Variants in ERBB4 observed in about 807,000 individuals in gnomAD.
ERBB4 encodes erb-b2 receptor tyrosine kinase 4, also known as receptor tyrosine-protein kinase erbB-4.
ERBB4 carries 42 observed loss-of-function variants against 158.0 expected under a neutral mutation model. That is an observed-to-expected ratio of 0.27 (90% CI 0.21 to 0.34). The LOEUF is 0.34. Ranked by LOEUF, ERBB4 falls within the 10% of genes least tolerant of loss-of-function variation. ERBB4 has a pLI of 1.00. For missense variants in ERBB4, 1,333 were observed against 1,624.1 expected (o/e 0.82, Z 3.08); for synonymous variants, 583 against 558.7 (o/e 1.04, Z -0.61).
At chr2:211,633,502 TA>T (rs1443514855) in intron 16 of ERBB4, among the ~76,000 whole-genome samples, 3 of 147,876 alleles carry the variant, frequency 2.0e-5, no homozygotes, top group African/African-American at 7.5e-5. Flanking sequence ...TTTTTTTTTT[TA>T]AATTCACTAG....
chr2:212,481,256 T>A (rs1689683325), intron 1 of ERBB4, among the ~76,000 whole-genome samples: 1 of 152,076 alleles, frequency 6.6e-6, no homozygotes, highest in South Asian at 2.1e-4. Flanking sequence ...CACACATACA[T>A]GACTTTGTAT....
chr2:212,236,224 CAT>C (rs1360576931), intron 1 of ERBB4, among the ~76,000 whole-genome samples: 1 of 152,148 alleles, frequency 6.6e-6, no homozygotes, highest in Non-Finnish European at 1.5e-5. Flanking sequence ...CTGCAATAAT[CAT>C]GTGGTTTTTG....
intron 1 of ERBB4, among the ~76,000 whole-genome samples, chr2:212,165,278 A>T (rs980743429): frequency 5.3e-5 from 8 of 151,784 alleles, no homozygotes; most frequent in Non-Finnish European, 8.8e-5. Flanking sequence ...TGAATTTTTT[A>T]ATATCAATGT....
At chr2:211,654,224 A>G (rs1323061213) in intron 16 of ERBB4, among the ~76,000 whole-genome samples, 1 of 152,298 alleles carries the variant, frequency 6.6e-6, no homozygotes, top group East Asian at 1.9e-4. Flanking sequence ...TTCCATGATC[A>G]TACACACTTT....
intron 2 of ERBB4, among the ~76,000 whole-genome samples, chr2:212,057,067 T>C (rs1255426630): frequency 6.6e-6 from 1 of 151,546 alleles, no homozygotes; most frequent in Admixed American, 6.6e-5. Flanking sequence ...AGGCTCAAAA[T>C]AAAGGGATGG....
intron 2 of ERBB4, among the ~76,000 whole-genome samples, chr2:212,073,387 CTAAT>C (rs2125449897): frequency 6.6e-6 from 1 of 152,048 alleles, no homozygotes; most frequent in East Asian, 1.9e-4. Context: ...AGTTATGAGA[CTAAT>C]TAATCCATTG....
chr2:212,193,609 A>T (rs1649585244), intron 1 of ERBB4, among the ~76,000 whole-genome samples: 1 of 152,094 alleles, frequency 6.6e-6, no homozygotes, highest in South Asian at 2.1e-4. Context: ...GAACTCTTAG[A>T]ACACTATAAT....
intron 2 of ERBB4, among the ~76,000 whole-genome samples, chr2:212,087,995 ACACT>A (rs2078665920): frequency 6.6e-6 from 1 of 152,238 alleles, no homozygotes; most frequent in East Asian, 1.9e-4. Context: ...CTGGCACTAA[ACACT>A]CACAATCATT....
chr2:212,014,544 T>G (rs1205262289), intron 2 of ERBB4, among the ~76,000 whole-genome samples: 2 of 151,874 alleles, frequency 1.3e-5, no homozygotes, highest in East Asian at 3.9e-4. Flanking sequence ...ATAAACGGAG[T>G]GGTCAATGAC....
chr2:212,162,810 A>G (rs560724252), intron 1 of ERBB4, among the ~76,000 whole-genome samples: 7 of 152,092 alleles, frequency 4.6e-5, no homozygotes, highest in African/African-American at 1.7e-4. Context: ...TTCACAATAA[A>G]ATGCTGGGGT....
chr2:212,319,382 G>C (rs901209207), intron 1 of ERBB4, among the ~76,000 whole-genome samples: 1 of 150,156 alleles, frequency 6.7e-6, no homozygotes, highest in Admixed American at 6.6e-5. Context: ...TGTTTTTTAT[G>C]ATTGCTGTTG....
In ERBB4 at chr2:211,562,159, C is replaced by T. The variant is rs1313460918; in HGVS notation, c.2302-71G>A. The stretch of plus-strand genomic sequence containing the variant: ...TAGATTTAGAGTTACTTGGATTGTA[C>T]TAATGGTGCTGATGATTTTTAAAAA... On this transcript the variant is annotated intron_variant, in intron 19 of 27. Coordinates refer to ENST00000342788, the MANE Select transcript of ERBB4 (RefSeq NM_005235.3). 3.1e-6 allele frequency: 4 copies of T among 1,290,230 alleles called. No homozygotes were observed. In the African/African-American group the frequency reaches 5.8e-5, roughly 19 times the overall value. 79.9% of individuals were successfully genotyped at this position (1,290,230 alleles called of 1,614,324 possible).
chr2:211,387,236 G>A (rs910426996), intron 26 of ERBB4, 86 bp from the exon 27 acceptor site: 1 of 1,108,222 alleles, frequency 9.0e-7, no homozygotes, highest in Non-Finnish European at 1.4e-6. Context: ...GGATATCAAA[G>A]CCAGTCTTTC....
rs575397069 is a variant in ERBB4, at chr2:211,528,357, A to G, written c.2487+33546T>C. Among the ~76,000 whole-genome samples the G allele has an allele frequency of 2.7e-4, 41 of 152,192 alleles. 1 individual carries two copies. The South Asian group carries it at 7.5e-3, about 28-fold the overall frequency. On this transcript the variant is annotated intron_variant, in intron 20 of 27. Transcript: ENST00000342788. ...CAACATTGGAGCATCCGGATATATA[A>G]AGCAAATATTATTAGAGCTAAATAA...
intron 19 of ERBB4, among the ~76,000 whole-genome samples, chr2:211,567,504 G>A (rs750142982): frequency 1.3e-5 from 2 of 152,100 alleles, no homozygotes; most frequent in Non-Finnish European, 2.9e-5. Context: ...TTTGATAAAT[G>A]TTATTTATTA....
intron 19 of ERBB4, among the ~76,000 whole-genome samples, chr2:211,615,809 T>A (rs2069364662): frequency 6.6e-6 from 1 of 152,096 alleles, no homozygotes; most frequent in Admixed American, 6.6e-5. Context: ...AGCACAGCTA[T>A]GTGTGATGAA....
At chr2:211,608,696 C>A (rs1157350839) in intron 19 of ERBB4, among the ~76,000 whole-genome samples, 2 of 152,046 alleles carry the variant, frequency 1.3e-5, no homozygotes, top group African/African-American at 4.8e-5. Flanking sequence ...TAGGCTGATC[C>A]TTTTTCACCC....
chr2:211,983,375 T>C (rs190693000), intron 2 of ERBB4, among the ~76,000 whole-genome samples: 71 of 152,290 alleles, frequency 4.7e-4, no homozygotes, highest in East Asian at 1.9e-4. Flanking sequence ...ATTGGGGAGA[T>C]GGTAGTTCAA....
At chr2:212,086,742 AG>A (rs2078625854) in intron 2 of ERBB4, among the ~76,000 whole-genome samples, 1 of 152,092 alleles carries the variant, frequency 6.6e-6, no homozygotes, top group South Asian at 2.1e-4. Context: ...AGGCTAAAAA[AG>A]TTAAAGCAAC....
Sources: gnomAD v4.1 joint callset for allele counts (sites outside exome capture counted in the v4.1 genomes callset) on GRCh38, gnomAD v4.1.1 for gene constraint, MANE v1.5 for transcripts, NCBI Gene and HGNC (gene_info 2026-07-23, HGNC 2026-07-21) for gene names.